The following TERT variants were observed in gnomAD, a reference collection of about 807,000 sequenced individuals.
The protein encoded by TERT is telomerase catalytic subunit.
Under a neutral mutation model 104.0 loss-of-function variants are expected in TERT, and 42 were observed. That is an observed-to-expected ratio of 0.40 (90% CI 0.32 to 0.52). The LOEUF (loss-of-function observed/expected upper bound fraction) is 0.52, where lower values mean the gene tolerates loss of function less well. Among genes scored for constraint, TERT ranks in the 20% least tolerant of loss-of-function variants. TERT has a pLI of 0.43. For synonymous variants in TERT, 781 were observed against 725.6 expected (o/e 1.08, Z -1.23); for missense variants, 1,101 against 1,610.3 (o/e 0.68, Z 5.41).
intron 10 of TERT, 161 bp downstream of exon 10, chr5:1,266,302 TG>T: frequency 1.4e-6 from 1 of 733,790 alleles, no homozygotes; most frequent in Non-Finnish European, 2.4e-6. Context: ...CCCCCAGGCC[TG>T]GGTGCACGGC....
intron 2 of TERT, among the ~76,000 whole-genome samples, chr5:1,283,999 C>T (rs1750270435): frequency 6.8e-6 from 1 of 146,222 alleles, no homozygotes; most frequent in African/African-American, 2.6e-5. Flanking sequence ...TACAGCACAT[C>T]CAGCTCACAG....
chr5:1,267,462 G>C (rs1039940333), intron 9 of TERT, among the ~76,000 whole-genome samples: 3 of 152,194 alleles, frequency 2.0e-5, no homozygotes, highest in Non-Finnish European at 2.9e-5. Flanking sequence ...AATACCATTT[G>C]ACCCAGCCAT....
chr5:1,291,368 G>A (rs373307653), intron 2 of TERT, among the ~76,000 whole-genome samples: 11 of 26,180 alleles, frequency 4.2e-4, no homozygotes, highest in Admixed American at 7.8e-4. Flanking sequence ...CACTCACCCT[G>A]CACGTGACAG....
Position 1,294,294 on chromosome 5 carries a change from C to T in TERT, c.592G>A (p.Gly198Arg), listed in dbSNP as rs758442518. Residue 198 changes from glycine (G) to arginine (R), a missense_variant, in exon 2 of 16, where the codon GGA becomes AGA. Coordinates refer to ENST00000310581, the MANE Select transcript of TERT (RefSeq NM_198253.3). ...CTATGGTTCCAGGCCCGTTCGCATC[C>T]CAGACGCCTTCGGGGTCCACTAGCG... ...PHASGPRRRL[G>R]CERAWNHSVR... 4.4e-6 allele frequency: 7 copies of T among 1,594,334 alleles called. No individual in the cohort carries two copies. In the East Asian group the frequency reaches 1.6e-4, roughly 36 times the overall value.
chr5:1,267,100 G>A (rs1199082822), intron 9 of TERT, among the ~76,000 whole-genome samples: 1 of 152,206 alleles, frequency 6.6e-6, no homozygotes, highest in Non-Finnish European at 1.5e-5. Flanking sequence ...AGAGCAAGTT[G>A]TGTGTACAAG....
chr5:1,258,722 T>C, intron 12 of TERT, 63 bp from the exon 13 acceptor site: 2 of 1,393,922 alleles, frequency 1.4e-6, no homozygotes, highest in Non-Finnish European at 2.0e-6. Flanking sequence ...AGTTTTTACT[T>C]TTTGCTTTAT....
At position 1,288,111 on chromosome 5, in the gene TERT, G is replaced by A. The variant is rs1750604881; in HGVS notation, c.1573+5202C>T. ...AGAATAAGCTAAAGAATACTTAAAA[G>A]TCACTGATATCAAAATGATTTCACG... is the stretch of plus-strand genomic sequence containing the variant. On this transcript the variant is annotated intron_variant, in intron 2 of 15. Coordinates refer to ENST00000310581, the MANE Select transcript of TERT (RefSeq NM_198253.3). This position sits in a 1 kb window ranked among gnomAD's most constrained non-coding sequence, Gnocchi z 5.3. 6.6e-6 allele frequency among the ~76,000 whole-genome samples: 1 copy of A among 152,058 alleles called. No individual in the cohort carries two copies. Among genetic ancestry groups the A allele is most frequent in the Non-Finnish European group, 1.5e-5 (1 of 68,018 alleles).
chr5:1,254,335 G>C, intron 15 of TERT, 33 bp downstream of exon 15: 1 of 1,612,732 alleles, frequency 6.2e-7, no homozygotes, highest in Non-Finnish European at 8.5e-7. Context: ...CCCTGGGCAG[G>C]TGGGGCCCGC....
At position 1,274,430 on chromosome 5, in the gene TERT, G is replaced by T. The variant is rs1016192944; in HGVS notation, c.2287-2150C>A. ...TGCTGAAGCAGGTCTTTAGCACAGG[G>T]TCCCCAACCATTGTGGTACCAGGGA... is the stretch of plus-strand genomic sequence containing the variant. On this transcript the variant is annotated intron_variant, in intron 6 of 15. Transcript: ENST00000310581. This position sits in a 1 kb window ranked among gnomAD's most constrained non-coding sequence, Gnocchi z 5.3. Among the ~76,000 whole-genome samples the T allele has an allele frequency of 1.3e-5, 2 of 152,246 alleles. No homozygotes were observed. The highest frequency in any genetic ancestry group is 4.8e-5 in the African/African-American group (2 of 41,456).
At chr5:1,264,215 G>A in intron 11 of TERT, 189 bp downstream of exon 11, 3 of 629,696 alleles carry the variant, frequency 4.8e-6, no homozygotes, top group South Asian at 3.7e-5. Flanking sequence ...CCCGTTGTGA[G>A]CACCCTCACT....
Position 1,277,208 on chromosome 5 carries a change from G to A in TERT, c.2286+1433C>T, listed in dbSNP as rs184293628. 2.6e-3 allele frequency among the ~76,000 whole-genome samples: 395 copies of A among 152,252 alleles called. 1 individual carries two copies. Among genetic ancestry groups the A allele is most frequent in the Non-Finnish European group, 4.4e-3 (299 of 68,004 alleles). On this transcript the variant is annotated intron_variant, in intron 6 of 15. Coordinates refer to ENST00000310581, the MANE Select transcript of TERT (RefSeq NM_198253.3). Reference sequence around the variant, plus strand: ...GCATCGCCCTCACAAGCAGCCAGCCGGGGTGTCACTGTCACCCCCCTGGAA... The same window carrying A: ...GCATCGCCCTCACAAGCAGCCAGCCAGGGTGTCACTGTCACCCCCCTGGAA...
Position 1,274,922 on chromosome 5 carries a change from T to C in TERT, c.2287-2642A>G, listed in dbSNP as rs758289785. Reference sequence around the variant, plus strand: ...GCCATCGATAAACAGCAGACACCAATTACGCAGGAAACAGCCGGGAAATCA... The same window carrying C: ...GCCATCGATAAACAGCAGACACCAACTACGCAGGAAACAGCCGGGAAATCA... On this transcript the variant is annotated intron_variant, in intron 6 of 15. Coordinates refer to ENST00000310581, the MANE Select transcript of TERT (RefSeq NM_198253.3). The surrounding 1 kb of genome is among the most constrained non-coding windows in gnomAD (Gnocchi z 5.3). Among the ~76,000 whole-genome samples, 20 of 152,096 alleles carry C rather than the reference T, an allele frequency of 1.3e-4. No individual in the cohort carries two copies. Among genetic ancestry groups the C allele is most frequent in the Non-Finnish European group, 2.8e-4 (19 of 68,018 alleles).
At position 1,262,653 on chromosome 5, in the gene TERT, C is replaced by T. The variant is rs981622664; in HGVS notation, c.2843+1751G>A. Among the ~76,000 whole-genome samples, 1 of 152,236 alleles carries T rather than the reference C, an allele frequency of 6.6e-6. No individual in the cohort carries two copies. Among genetic ancestry groups the T allele is most frequent in the African/African-American group, 2.4e-5 (1 of 41,454 alleles). On this transcript the variant is annotated intron_variant, in intron 11 of 15. Coordinates refer to ENST00000310581, the MANE Select transcript of TERT (RefSeq NM_198253.3). This position sits in a 1 kb window ranked among gnomAD's most constrained non-coding sequence, Gnocchi z 5.6. ...ACAGAATATTCTGGCATTGGACCCA[C>T]ATCTGATGACCTGATGCCCACCCAT...
chr5:1,270,041 G>A lies in TERT; in HGVS notation c.2468+1078C>T, dbSNP rs1748908885. Among the ~76,000 whole-genome samples, 2 of 152,272 alleles carry A rather than the reference G, an allele frequency of 1.3e-5. No homozygotes were observed. Among genetic ancestry groups the A allele is most frequent in the South Asian group, 4.1e-4 (2 of 4,824 alleles). On this transcript the variant is annotated intron_variant, in intron 8 of 15. Transcript: ENST00000310581. This position sits in a 1 kb window ranked among gnomAD's most constrained non-coding sequence, Gnocchi z 8.3. Reference sequence around the variant, plus strand: ...TTCACGACCACGAAGGAGGCCCGTGGTGGCTTCTCTGGGGAGGTGACTTTG... The same window carrying A: ...TTCACGACCACGAAGGAGGCCCGTGATGGCTTCTCTGGGGAGGTGACTTTG...
At chr5:1,291,419 A>T in intron 2 of TERT, among the ~76,000 whole-genome samples, 1 of 120,042 alleles carries the variant, frequency 8.3e-6, no homozygotes, top group South Asian at 2.9e-4. Flanking sequence ...TGCACGGGAC[A>T]GGGACACCCG....
At position 1,279,698 on chromosome 5, in the gene TERT, ACT is replaced by A. The variant is rs35278664; in HGVS notation, c.1951-230_1951-229del. Among the ~76,000 whole-genome samples the A allele has an allele frequency of 7.7e-3, 1,163 of 151,636 alleles. 17 individuals carry two copies. The highest frequency in any genetic ancestry group is 0.027 in the African/African-American group (1,115 of 41,318). ...CACACCTCTGTCCACCTCACCCCACACTCTCCTCAGATGACGGGGTCACCGCA... is the reference window on the plus strand; with the variant it reads ...CACACCTCTGTCCACCTCACCCCACACTCCTCAGATGACGGGGTCACCGCA... On this transcript the variant is annotated intron_variant, in intron 4 of 15. Coordinates refer to ENST00000310581, the MANE Select transcript of TERT (RefSeq NM_198253.3).
rs767353485 is a variant in TERT, at chr5:1,294,472, C to G, written c.414G>C (p.Gly138=). 2.5e-6 allele frequency: 4 copies of G among 1,590,110 alleles called. No individual in the cohort carries two copies. The South Asian group carries it at 4.4e-5, about 18-fold the overall frequency. The change falls in exon 2 of 16, where the codon GGG becomes GGC. Residue 138 remains glycine (G), a synonymous_variant. Transcript: ENST00000310581. ...TDALRGSGAW[G]LLLRRVGDDV... The stretch of plus-strand genomic sequence containing the variant: ...CGTCGCCCACGCGGCGCAGCAGCAG[C>G]CCCCACGCCCCGCTCCCCCGCAGTG...
chr5:1,260,631 G>A (rs1476023492), intron 11 of TERT, 31 bp from the exon 12 acceptor site: 6 of 1,612,432 alleles, frequency 3.7e-6, no homozygotes, highest in Middle Eastern at 1.7e-4. Context: ...TCAGACACAG[G>A]TGCCTGCCCC....
At chr5:1,282,151 G>C (rs1396264924) in intron 3 of TERT, among the ~76,000 whole-genome samples, 1 of 152,216 alleles carries the variant, frequency 6.6e-6, no homozygotes, top group Non-Finnish European at 1.5e-5. Context: ...AAGGAGGCTA[G>C]TGGTAGTGTT....
Sources: gnomAD v4.1 joint callset for allele counts (sites outside exome capture counted in the v4.1 genomes callset) on GRCh38, gnomAD v4.1.1 for gene constraint, Gnocchi (gnomAD v3.1) non-coding constraint, MANE v1.5 for transcripts, NCBI Gene and HGNC (gene_info 2026-07-23, HGNC 2026-07-21) for gene names.